Variants in IQCN observed in about 807,000 individuals in gnomAD.
IQCN encodes the protein IQ domain-containing protein N.
In IQCN, 46 loss-of-function variants were observed where a neutral mutation model predicts 64.4. The observed-to-expected ratio is 0.71, with a 90% CI of 0.56 to 0.91. The LOEUF (loss-of-function observed/expected upper bound fraction) is 0.91. IQCN is among the 40% of genes least tolerant of loss of function. IQCN has a pLI of 0.00. For missense variants in IQCN, 1,753 were observed against 1,857.4 expected, an observed-to-expected ratio of 0.94 and a Z score of 1.03; for synonymous variants, 733 against 775.6, an observed-to-expected ratio of 0.95 and a Z score of 0.91.
intron 3 of IQCN, chr19:18,259,396 A>T (rs1002785294): frequency 1.3e-5 from 2 of 152,230 alleles, no homozygotes; most frequent in Non-Finnish European, 2.9e-5. Flanking sequence ...CCTGGGAGCA[A>T]GTTTGGAGCA....
At position 18,269,156 on chromosome 19, in the gene IQCN, C is replaced by G. The variant is rs886267976; in HGVS notation, c.13+310G>C. ...AAATAAAAGGAAAGAAGGAAGGAAG[C>G]AAGGGAGGGAGGGAAATTAAAGAGA... On this transcript the variant is annotated intron_variant, in intron 2 of 3. Coordinates refer to ENST00000392413, the MANE Select transcript of IQCN (RefSeq NM_001145304.2). Among the ~76,000 whole-genome samples, 5 of 149,064 alleles carry G rather than the reference C, an allele frequency of 3.4e-5. No homozygotes were observed. The South Asian group carries it at 8.5e-4, about 25-fold the overall frequency.
At chr19:18,272,861 C>CCTT (rs1204154915) in intron 1 of IQCN, among the ~76,000 whole-genome samples, 3 of 149,356 alleles carry the variant, frequency 2.0e-5, no homozygotes, top group African/African-American at 7.4e-5. Context: ...TCGCCCACCT[C>CCTT]GGCCTCCCAA....
Position 18,257,733 on chromosome 19 carries a change from T to C in IQCN, c.3551A>G (p.Gln1184Arg), listed in dbSNP as rs1969331327. The C allele has an allele frequency of 2.5e-6, 4 of 1,610,514 alleles. No individual in the cohort carries two copies. The African/African-American group carries it at 4.0e-5, about 16-fold the overall frequency. The change falls in exon 4 of 4, where the codon CAG becomes CGG. Residue 1184 changes from glutamine (Q) to arginine (R), a missense_variant. Transcript: ENST00000392413. ...CACCCACGTGACGGGGTGGAGCATC[T>C]GCCAGTGCCGGGCTTGGTCCCGGCG... is the stretch of plus-strand genomic sequence containing the variant. ...STRRDQARHW[Q>R]MLHPVTWVEL...
intron 1 of IQCN, among the ~76,000 whole-genome samples, chr19:18,271,518 TGAGG>T (rs1969735810): frequency 6.6e-6 from 1 of 150,484 alleles, no homozygotes; most frequent in South Asian, 2.1e-4. Flanking sequence ...ACTTTAGGGC[TGAGG>T]GAGTATCCCC....
chr19:18,258,244 G>A, intron 3 of IQCN, 138 bp from the exon 4 acceptor site: 1 of 931,674 alleles, frequency 1.1e-6, no homozygotes, highest in Non-Finnish European at 1.7e-6. Flanking sequence ...TCATAGCCTA[G>A]AGACACCCTC....
rs770554698 is a variant in IQCN at position 18,267,347 on chromosome 19, G to A, written c.193C>T (p.Leu65Phe). ...QHEGLKSKEH[L>F]PQQPAEGKTA... ...TTGCCTTCGGCAGGCTGTTGCGGAA[G>A]ATGCTCCTTGGACTTGAGGCCCTCG... The change falls in exon 3 of 4, where the codon CTT (leucine) becomes TTT (phenylalanine). Residue 65 changes from leucine (L) to phenylalanine (F), a missense_variant. Transcript: ENST00000392413. The A allele has an allele frequency of 2.0e-5, 32 of 1,613,874 alleles. No homozygotes were observed. Among genetic ancestry groups the A allele is most frequent in the Non-Finnish European group, 2.7e-5 (32 of 1,179,918 alleles).
At chr19:18,268,777 C>T (rs1337529981) in intron 2 of IQCN, among the ~76,000 whole-genome samples, 1 of 151,866 alleles carries the variant, frequency 6.6e-6, no homozygotes, top group Non-Finnish European at 1.5e-5. Context: ...GCCTGGCTAA[C>T]GTGGTGAAAC....
At chr19:18,268,319 G>C (rs1969652681) in intron 2 of IQCN, among the ~76,000 whole-genome samples, 1 of 151,794 alleles carries the variant, frequency 6.6e-6, no homozygotes, top group Admixed American at 6.6e-5. Flanking sequence ...CCCCATCTCA[G>C]TCATAGAGCT....
chr19:18,268,688 G>C (rs1969662921), intron 2 of IQCN, among the ~76,000 whole-genome samples: 1 of 151,956 alleles, frequency 6.6e-6, no homozygotes. Context: ...AGTAGGCCAG[G>C]CACAGTGGCT....
In IQCN at chr19:18,264,229, A is replaced by T; in HGVS notation, c.3177+134T>A. 1.3e-6 allele frequency: 1 copy of T among 751,050 alleles called. No individual in the cohort carries two copies. The highest frequency in any genetic ancestry group is 2.1e-6 in the Non-Finnish European group (1 of 481,650). 46.5% of individuals were successfully genotyped at this position (751,050 alleles called of 1,614,324 possible). The stretch of plus-strand genomic sequence containing the variant: ...CTGGTGATGACGCTACCCATCACCG[A>T]GGCTCCCACAGTGACCACAGATAAG... On this transcript the variant is annotated intron_variant, in intron 3 of 3. Transcript: ENST00000392413. This position sits in a 1 kb window ranked among gnomAD's most constrained non-coding sequence, Gnocchi z 4.3.
Position 18,266,041 on chromosome 19 carries a change from ATGGC to A in IQCN, c.1495_1498del (p.Ala499Ter). 6.2e-7 allele frequency: 1 copy of A among 1,612,450 alleles called. No homozygotes were observed. Among genetic ancestry groups the A allele is most frequent in the Non-Finnish European group, 8.5e-7 (1 of 1,179,512 alleles). ...TAACTGGGCTGGGGTCTTGGTTATC[ATGGC>A]TGGCAGGCGGGTCTGGGGTGAGGGC... On this transcript the variant is annotated frameshift_variant, in exon 3 of 4. Transcript: ENST00000392413. LOFTEE classifies it high-confidence loss of function. This position sits in a 1 kb window ranked among gnomAD's most constrained non-coding sequence, Gnocchi z 4.3.
intron 3 of IQCN, chr19:18,259,452 T>C (rs979393648): frequency 6.6e-6 from 1 of 152,200 alleles, no homozygotes; most frequent in African/African-American, 2.4e-5. Flanking sequence ...CTTCTTTCTG[T>C]CTGCCATCAG....
In IQCN at chr19:18,264,394, G is replaced by A; in HGVS notation, c.3146C>T (p.Ser1049Phe). ...GGTCTGTGGTCTCACGGGGCCCAGG[G>A]AGGGCCCCCATGCGGCCGATGGACT... ...RRSPSAAWGP[S>F]LGPVRPQTSK... The change falls in exon 3 of 4, where the codon TCC becomes TTC. Residue 1049 changes from serine (S) to phenylalanine (F), a missense_variant. By Grantham distance (155) the Ser-to-Phe change is radical. Transcript: ENST00000392413. This position sits in a 1 kb window ranked among gnomAD's most constrained non-coding sequence, Gnocchi z 4.3. The A allele has an allele frequency of 1.3e-6, 2 of 1,520,268 alleles. No individual in the cohort carries two copies. The highest frequency in any genetic ancestry group is 2.5e-5 in the East Asian group (1 of 40,554). 94.2% of individuals were successfully genotyped at this position (1,520,268 alleles called of 1,614,324 possible).
chr19:18,263,619 G>A (rs903621218), intron 3 of IQCN, among the ~76,000 whole-genome samples: 2 of 152,076 alleles, frequency 1.3e-5, no homozygotes, highest in East Asian at 1.9e-4. Flanking sequence ...CCTAGTACCC[G>A]GGGGGGCCTG....
intron 1 of IQCN, among the ~76,000 whole-genome samples, chr19:18,273,610 G>T (rs1028369137): frequency 6.6e-6 from 1 of 152,180 alleles, no homozygotes; most frequent in Non-Finnish European, 1.5e-5. Context: ...GGCGTTACAG[G>T]CGTGAGCCAC....
Position 18,257,316 on chromosome 19 carries a change from T to C in IQCN, c.3968A>G (p.Gln1323Arg). 1.2e-6 allele frequency: 2 copies of C among 1,613,564 alleles called. No individual in the cohort carries two copies. Among genetic ancestry groups the C allele is most frequent in the Non-Finnish European group, 1.7e-6 (2 of 1,180,000 alleles). ...GFKIRQQMRQ[Q>R]QMAAKIVQAT... ...TTGAACTATCTTCGCTGCCATTTGC[T>C]GCTGCCTCATCTGCTGGCGGATCTT... Residue 1323 changes from glutamine to arginine, a missense_variant, in exon 4 of 4, where the codon CAG becomes CGG. Gln to Arg is a conservative substitution (Grantham distance 43). Transcript: ENST00000392413.
intron 1 of IQCN, among the ~76,000 whole-genome samples, chr19:18,272,696 T>C (rs11666808): frequency 0.68 from 101,949 of 150,988 alleles, 34,603 homozygotes; most frequent in East Asian, 0.83. Context: ...CTGCAAGCTC[T>C]GCCTCCCGGG....
At position 18,265,204 on chromosome 19, in the gene IQCN, T is replaced by G; in HGVS notation, c.2336A>C (p.Lys779Thr). Reference sequence around the variant, plus strand: ...GCGCTGGCAGGCGTGGTTGGACACCTTGGACCCTGTTAGGAGCACCTGGGA... The same window carrying G: ...GCGCTGGCAGGCGTGGTTGGACACCGTGGACCCTGTTAGGAGCACCTGGGA... ...THSQVLLTGS[K>T]VSNHACQRLG... Residue 779 changes from lysine (K) to threonine (T), a missense_variant, in exon 3 of 4, where the codon AAG becomes ACG. Transcript: ENST00000392413. This position sits in a 1 kb window ranked among gnomAD's most constrained non-coding sequence, Gnocchi z 4.7. The G allele has an allele frequency of 6.2e-7, 1 of 1,611,670 alleles. No individual in the cohort carries two copies. The highest frequency in any genetic ancestry group is 8.5e-7 in the Non-Finnish European group (1 of 1,179,962).
intron 3 of IQCN, chr19:18,259,494 G>C (rs953273083): frequency 6.6e-6 from 1 of 152,324 alleles, no homozygotes; most frequent in African/African-American, 2.4e-5. Context: ...CACAGAGCCT[G>C]CGGGAAGGCT....
Sources: gnomAD v4.1 joint callset for allele counts (sites outside exome capture counted in the v4.1 genomes callset) on GRCh38, gnomAD v4.1.1 for gene constraint, Gnocchi (gnomAD v3.1) non-coding constraint, MANE v1.5 for transcripts, NCBI Gene and HGNC (gene_info 2026-07-23, HGNC 2026-07-21) for gene names.